The following HDAC9 variants were observed in gnomAD, a reference collection of about 807,000 sequenced individuals.
HDAC9 encodes histone deacetylase 9, also known as MEF-2 interacting transcription repressor (MITR) protein.
HDAC9 carries 41 observed loss-of-function variants against 139.4 expected under a neutral mutation model. That is an observed-to-expected ratio of 0.29 (90% CI 0.23 to 0.38). The LOEUF (loss-of-function observed/expected upper bound fraction) is 0.38, where lower values mean the gene tolerates loss of function less well. Ranked by LOEUF, HDAC9 falls within the 10% of genes least tolerant of loss-of-function variation. HDAC9 has a pLI of 1.00. For synonymous variants in HDAC9, 517 were observed against 476.2 expected, an observed-to-expected ratio of 1.09 and a Z score of -1.12; for missense variants, 1,147 against 1,297.0, an observed-to-expected ratio of 0.88 and a Z score of 1.78.
At chr7:18,681,931 C>T (rs1167629165) in intron 12 of HDAC9, among the ~76,000 whole-genome samples, 1 of 151,978 alleles carries the variant, frequency 6.6e-6, no homozygotes, top group African/African-American at 2.4e-5. Context: ...CATTGCTTCT[C>T]AGTAGATTGG....
At chr7:18,512,816 C>G (rs1390497712) in intron 2 of HDAC9, among the ~76,000 whole-genome samples, 1 of 152,064 alleles carries the variant, frequency 6.6e-6, no homozygotes, top group African/African-American at 2.4e-5. Context: ...TCCAGAAATT[C>G]AAATATACGA....
chr7:18,145,781 G>T (rs1200945411), intron 1 of HDAC9, among the ~76,000 whole-genome samples: 1 of 152,184 alleles, frequency 6.6e-6, no homozygotes, highest in Admixed American at 6.5e-5. Flanking sequence ...AGATACCGGT[G>T]ATCTGTCAGA....
intron 1 of HDAC9, among the ~76,000 whole-genome samples, chr7:18,362,821 A>C (rs1222292940): frequency 6.6e-6 from 1 of 152,188 alleles, no homozygotes; most frequent in Non-Finnish European, 1.5e-5. Flanking sequence ...AGAATCTTGA[A>C]TAGTAAAGAG....
At chr7:18,196,173 G>A (rs766439787) in intron 2 of HDAC9, among the ~76,000 whole-genome samples, 3 of 152,104 alleles carry the variant, frequency 2.0e-5, no homozygotes, top group Non-Finnish European at 4.4e-5. Context: ...CAGATTCAAA[G>A]CTTTTCAGCC....
At chr7:18,275,190 T>A (rs1796637669) in intron 2 of HDAC9, among the ~76,000 whole-genome samples, 1 of 152,224 alleles carries the variant, frequency 6.6e-6, no homozygotes, top group Non-Finnish European at 1.5e-5. Flanking sequence ...AATCATTGAA[T>A]GTTGTCTTTT....
intron 1 of HDAC9, among the ~76,000 whole-genome samples, chr7:18,475,230 G>T (rs989806441): frequency 3.9e-5 from 6 of 152,162 alleles, no homozygotes; most frequent in African/African-American, 1.4e-4. Flanking sequence ...AAGAGCCATG[G>T]ACTCTTCTGA....
In HDAC9 at chr7:18,842,544, C is replaced by A. The variant is rs573682585; in HGVS notation, c.2684+6547C>A. 7.2e-5 allele frequency among the ~76,000 whole-genome samples: 11 copies of A among 152,106 alleles called. No homozygotes were observed. In the South Asian group the frequency reaches 2.1e-3, roughly 29 times the overall value. ...AATTATTCACTGTCCAGATTCCATT[C>A]TCTATTTTCCGTATGTTGAGATGTT... On this transcript the variant is annotated intron_variant, in intron 21 of 25. Coordinates refer to ENST00000686413, the MANE Select transcript of HDAC9 (RefSeq NM_178425.4).
At chr7:18,801,168 G>T (rs1219465921) in intron 17 of HDAC9, among the ~76,000 whole-genome samples, 1 of 151,822 alleles carries the variant, frequency 6.6e-6, no homozygotes, top group South Asian at 2.1e-4. Flanking sequence ...AATTGAACAT[G>T]GTGAGTATTC....
intron 1 of HDAC9, among the ~76,000 whole-genome samples, chr7:18,404,547 A>T (rs1008870136): frequency 1.3e-5 from 2 of 152,186 alleles, no homozygotes; most frequent in African/African-American, 2.4e-5. Context: ...ACTAATGTTG[A>T]ATTGATTTTA....
intron 1 of HDAC9, among the ~76,000 whole-genome samples, chr7:18,106,597 C>T (rs1273222299): frequency 1.3e-5 from 2 of 152,128 alleles, no homozygotes; most frequent in East Asian, 3.9e-4. Context: ...AGATTACAGG[C>T]ACACTCTACG....
intron 25 of HDAC9, among the ~76,000 whole-genome samples, chr7:18,990,839 AG>A (rs1159949915): frequency 6.6e-6 from 1 of 152,188 alleles, no homozygotes; most frequent in Non-Finnish European, 1.5e-5. Flanking sequence ...CCCTTTGACT[AG>A]GAAAGAGAAC....
At chr7:18,288,900 C>A (rs965154921), upstream of HDAC9, among the ~76,000 whole-genome samples, 1 of 152,058 alleles carries the variant, frequency 6.6e-6, no homozygotes, top group East Asian at 1.9e-4. Context: ...TGGATGAAGC[C>A]GAGGAGGTGC....
Position 18,610,904 on chromosome 7 carries a change from A to G in HDAC9, c.664+16875A>G, listed in dbSNP as rs566918817. ...TCCATAATAATCAAGTTTATTCAGA[A>G]GCAGGATTTGTGTTTTATTTTGGGG... On this transcript the variant is annotated intron_variant, in intron 6 of 25. Coordinates refer to ENST00000686413, the MANE Select transcript of HDAC9 (RefSeq NM_178425.4). Among the ~76,000 whole-genome samples the G allele has an allele frequency of 3.9e-5, 6 of 152,300 alleles. No homozygotes were observed. In the South Asian group the frequency reaches 1.2e-3, roughly 32 times the overall value.
chr7:18,405,906 A>G (rs1562957305), intron 1 of HDAC9, among the ~76,000 whole-genome samples: 1 of 152,188 alleles, frequency 6.6e-6, no homozygotes. Context: ...GTTTCCTGCA[A>G]TTGCCTGGCA....
intron 21 of HDAC9, among the ~76,000 whole-genome samples, chr7:18,864,109 T>C (rs1740353360): frequency 6.6e-6 from 1 of 152,224 alleles, no homozygotes. Flanking sequence ...AGTGTTCCAA[T>C]TTCTTCATAT....
chr7:18,605,881 C>T (rs192464187), intron 6 of HDAC9, among the ~76,000 whole-genome samples: 4 of 151,796 alleles, frequency 2.6e-5, no homozygotes, highest in East Asian at 3.9e-4. Flanking sequence ...GGGATTTCAT[C>T]GTGTTAGCCA....
chr7:18,157,014 G>A (rs773823358), intron 1 of HDAC9, among the ~76,000 whole-genome samples: 4 of 152,160 alleles, frequency 2.6e-5, no homozygotes, highest in Non-Finnish European at 2.9e-5. Context: ...CTTGAGCCTC[G>A]GAGGTTGAAG....
intron 1 of HDAC9, among the ~76,000 whole-genome samples, chr7:18,095,228 C>T (rs190887565): frequency 6.6e-6 from 1 of 152,082 alleles, no homozygotes; most frequent in Non-Finnish European, 1.5e-5. Flanking sequence ...CTGATTACTA[C>T]AACACACTGA....
intron 2 of HDAC9, among the ~76,000 whole-genome samples, chr7:18,269,557 C>A (rs945355716): frequency 6.6e-6 from 1 of 151,878 alleles, no homozygotes; most frequent in Non-Finnish European, 1.5e-5. Flanking sequence ...TCATTGTGTT[C>A]GAAATATGAG....
Sources: gnomAD v4.1 joint callset for allele counts (sites outside exome capture counted in the v4.1 genomes callset) on GRCh38, gnomAD v4.1.1 for gene constraint, MANE v1.5 for transcripts, NCBI Gene and HGNC (gene_info 2026-07-23, HGNC 2026-07-21) for gene names.